The following FHIT variants were observed in gnomAD, a reference collection of about 807,000 sequenced individuals.
FHIT encodes the protein fragile histidine triad diadenosine triphosphatase.
In FHIT, 19 loss-of-function variants were observed where a neutral mutation model predicts 17.9. The ratio of observed to expected loss-of-function variants is 1.06; its 90% CI spans 0.74 to 1.56. The LOEUF is 1.56. FHIT is among the 40% of genes most tolerant of loss of function. The pLI, the probability that FHIT is intolerant of heterozygous loss-of-function variation, is 0.00. For synonymous variants in FHIT, 81 were observed against 69.7 expected (o/e 1.16, Z -0.81); for missense variants, 248 against 189.2 (o/e 1.31, Z -1.82).
At chr3:61,033,026 C>T (rs1007181698) in intron 3 of FHIT, among the ~76,000 whole-genome samples, 2 of 152,176 alleles carry the variant, frequency 1.3e-5, no homozygotes, top group African/African-American at 2.4e-5. Flanking sequence ...AGTGAATTTG[C>T]CATTTCTGCA....
At chr3:60,759,953 T>C (rs79864724) in intron 4 of FHIT, among the ~76,000 whole-genome samples, 13,868 of 152,128 alleles carry the variant, frequency 0.091, 813 homozygotes, top group Middle Eastern at 0.22. Context: ...CTTTTTTCCT[T>C]CCTTCCTGCT....
intron 2 of FHIT, among the ~76,000 whole-genome samples, chr3:61,134,500 C>T (rs1225017712): frequency 2.0e-5 from 3 of 152,050 alleles, no homozygotes; most frequent in African/African-American, 7.2e-5. Flanking sequence ...GAAAAAGAGT[C>T]TGACTTCAAA....
chr3:60,575,489 A>G (rs540325007), intron 4 of FHIT, among the ~76,000 whole-genome samples: 1 of 152,178 alleles, frequency 6.6e-6, no homozygotes, highest in African/African-American at 2.4e-5. Flanking sequence ...GACCCAATGG[A>G]AACTGTAGAA....
At chr3:60,981,429 C>T (rs560646790) in intron 3 of FHIT, among the ~76,000 whole-genome samples, 4 of 151,680 alleles carry the variant, frequency 2.6e-5, no homozygotes, top group Non-Finnish European at 5.9e-5. Flanking sequence ...CTCAGCCTCC[C>T]GAGTAGCTGG....
chr3:60,771,549 C>CA (rs1467529082), intron 4 of FHIT, among the ~76,000 whole-genome samples: 1 of 152,174 alleles, frequency 6.6e-6, no homozygotes, highest in African/African-American at 2.4e-5. Context: ...AGGGGGGTCT[C>CA]ACTGCCTTGT....
At chr3:60,225,955 T>C (rs1704177597) in intron 5 of FHIT, among the ~76,000 whole-genome samples, 1 of 152,174 alleles carries the variant, frequency 6.6e-6, no homozygotes, top group Admixed American at 6.5e-5. Context: ...TGTGGGTGCC[T>C]GTGCTGAAGG....
At chr3:61,219,923 A>T (rs1056315358) in intron 1 of FHIT, among the ~76,000 whole-genome samples, 1 of 152,196 alleles carries the variant, frequency 6.6e-6, no homozygotes, top group African/African-American at 2.4e-5. Flanking sequence ...CCCAGTAGAA[A>T]CCTTTCTCTG....
intron 5 of FHIT, among the ~76,000 whole-genome samples, chr3:60,134,395 C>CAT (rs1283267137): frequency 6.6e-5 from 10 of 152,284 alleles, no homozygotes; most frequent in African/African-American, 2.4e-4. Context: ...TATTCCCTAT[C>CAT]ATAGTTTCAA....
At chr3:60,114,023 AAAAAAAAAAAAAAATATATATATATAT>A (rs1293767325) in intron 5 of FHIT, among the ~76,000 whole-genome samples, 1 of 30,238 alleles carries the variant, frequency 3.3e-5, no homozygotes, top group African/African-American at 8.7e-5. Flanking sequence ...AAAAAAAAAA[AAAAAAAAAAAAAAATATATATATATAT>A]ATATATATAT....
At chr3:61,221,898 C>T (rs1015188213) in intron 1 of FHIT, among the ~76,000 whole-genome samples, 1 of 152,222 alleles carries the variant, frequency 6.6e-6, no homozygotes, top group Non-Finnish European at 1.5e-5. Context: ...TGGGGGTAAA[C>T]ATTCCACCTC....
intron 5 of FHIT, among the ~76,000 whole-genome samples, chr3:60,515,766 C>T (rs9825127): frequency 0.16 from 23,958 of 152,040 alleles, 2,206 homozygotes; most frequent in Middle Eastern, 0.24. Flanking sequence ...TCACATGATC[C>T]TCACAACAAT....
intron 5 of FHIT, among the ~76,000 whole-genome samples, chr3:60,462,291 T>G (rs772923895): frequency 5.3e-5 from 8 of 152,202 alleles, no homozygotes; most frequent in Non-Finnish European, 1.2e-4. Flanking sequence ...CAGTGATCAC[T>G]CCCCTTTTAC....
chr3:60,898,062 A>T (rs2107209323), intron 3 of FHIT, among the ~76,000 whole-genome samples: 1 of 152,328 alleles, frequency 6.6e-6, no homozygotes, highest in South Asian at 2.1e-4. Context: ...TAGGGCATAT[A>T]TGTAAACACA....
intron 5 of FHIT, among the ~76,000 whole-genome samples, chr3:60,315,158 A>C (rs1190403878): frequency 6.6e-6 from 1 of 152,160 alleles, no homozygotes; most frequent in African/African-American, 2.4e-5. Context: ...CTGAGGCTCC[A>C]GACATTAATG....
At chr3:60,577,521 T>G (rs782599823) in intron 4 of FHIT, among the ~76,000 whole-genome samples, 3 of 152,162 alleles carry the variant, frequency 2.0e-5, no homozygotes, top group Non-Finnish European at 4.4e-5. Context: ...GAAAACGTAG[T>G]CAATGGTTCA....
chr3:60,333,487 TG>T lies in FHIT; in HGVS notation c.103+203372del, dbSNP rs1382874216. 4.7e-4 allele frequency among the ~76,000 whole-genome samples: 69 copies of T among 146,450 alleles called. 1 individual carries two copies. The highest frequency in any genetic ancestry group is 1.3e-3 in the African/African-American group (51 of 39,768). ...GGCATATTTGAACTGTTTTTTTTTT[TG>T]AATTACAAACCAATTGAACTTTTAA... is the stretch of plus-strand genomic sequence containing the variant. On this transcript the variant is annotated intron_variant, in intron 5 of 9. Coordinates refer to ENST00000492590, the MANE Select transcript of FHIT (RefSeq NM_002012.4).
intron 5 of FHIT, among the ~76,000 whole-genome samples, chr3:60,221,762 G>C (rs2107534472): frequency 6.6e-6 from 1 of 152,088 alleles, no homozygotes; most frequent in South Asian, 2.1e-4. Flanking sequence ...TTAATGACTG[G>C]CTCCTTCTCC....
At chr3:61,201,373 T>A (rs1197818277) in intron 1 of FHIT, among the ~76,000 whole-genome samples, 2 of 152,212 alleles carry the variant, frequency 1.3e-5, no homozygotes, top group Non-Finnish European at 2.9e-5. Context: ...ACTTACAGTA[T>A]CGTGAAGCTG....
chr3:60,470,187 C>A (rs1005108468), intron 5 of FHIT, among the ~76,000 whole-genome samples: 1 of 151,956 alleles, frequency 6.6e-6, no homozygotes, highest in Non-Finnish European at 1.5e-5. Context: ...TGGGTCTCAC[C>A]CAAGGCCTAC....
Sources: gnomAD v4.1 joint callset for allele counts (sites outside exome capture counted in the v4.1 genomes callset) on GRCh38, gnomAD v4.1.1 for gene constraint, MANE v1.5 for transcripts, NCBI Gene and HGNC (gene_info 2026-07-23, HGNC 2026-07-21) for gene names.